The following CCDC50 variants were observed in gnomAD, a reference collection of about 807,000 sequenced individuals.
CCDC50 encodes the protein coiled-coil domain containing 50.
In CCDC50, 54 loss-of-function variants were observed where a neutral mutation model predicts 70.2. The observed-to-expected ratio is 0.77, with a 90% confidence interval of 0.62 to 0.96. The LOEUF (loss-of-function observed/expected upper bound fraction) is 0.96, where lower values mean the gene tolerates loss of function less well. Ranked by LOEUF, CCDC50 falls within the 50% of genes least tolerant of loss-of-function variation. The pLI, the probability that CCDC50 is intolerant of heterozygous loss-of-function variation, is 0.00. For synonymous variants in CCDC50, 216 were observed against 198.8 expected (o/e 1.09, Z -0.73); for missense variants, 558 against 578.7 (o/e 0.96, Z 0.37).
intron 10 of CCDC50, among the ~76,000 whole-genome samples, chr3:191,387,783 A>C (rs190050961): frequency 6.6e-5 from 10 of 152,250 alleles, no homozygotes; most frequent in Admixed American, 4.6e-4. Context: ...TGAGGCACTA[A>C]TCATGGATTG....
intron 6 of CCDC50, among the ~76,000 whole-genome samples, chr3:191,377,731 C>G (rs1320888512): frequency 6.6e-6 from 1 of 152,120 alleles, no homozygotes; most frequent in Non-Finnish European, 1.5e-5. Context: ...GTACTTTCAA[C>G]AATTTTATTC....
chr3:191,358,205 A>T, intron 3 of CCDC50, 81 bp downstream of exon 3: 14 of 1,497,548 alleles, frequency 9.3e-6, no homozygotes, highest in Non-Finnish European at 1.2e-5. Context: ...GGAGAAGGAG[A>T]CTACTTCTGT....
Position 191,329,589 on chromosome 3 carries a change from C to T in CCDC50, c.-86C>T. On this transcript the variant is annotated 5_prime_UTR_variant, in exon 1 of 12. Coordinates refer to ENST00000392455, the MANE Select transcript of CCDC50 (RefSeq NM_178335.3). Reference sequence around the variant, plus strand: ...CGGCCGGACTTTGCGCCGCGTCCGGCGCTGCTGCTGCGCTCGGGGCCCCGC... The same window carrying T: ...CGGCCGGACTTTGCGCCGCGTCCGGTGCTGCTGCTGCGCTCGGGGCCCCGC... 3 of 1,418,962 alleles carry T rather than the reference C, an allele frequency of 2.1e-6. No homozygotes were observed. Among genetic ancestry groups the T allele is most frequent in the Non-Finnish European group, 2.9e-6 (3 of 1,040,904 alleles). The allele number at this position is 1,418,962 out of a possible 1,614,324, so 87.9% of individuals were successfully genotyped here. A position where few individuals can be genotyped will look rare whatever the true frequency, so the allele number is the denominator to read the frequency against.
In CCDC50 at chr3:191,329,644, G is replaced by A. The variant is rs1454523562; in HGVS notation, c.-31G>A. ...CGCCGGCGGTGACCGGGAAGCCCGC[G>A]TTAAAGGGGCAACCGGGACCCTGGC... On this transcript the variant is annotated 5_prime_UTR_variant, in exon 1 of 12. Transcript: ENST00000392455. The A allele has an allele frequency of 1.9e-6, 3 of 1,599,934 alleles. No homozygotes were observed. Among genetic ancestry groups the A allele is most frequent in the African/African-American group, 1.3e-5 (1 of 74,410 alleles).
chr3:191,366,010 G>T (rs571441269), intron 4 of CCDC50, among the ~76,000 whole-genome samples: 21 of 152,104 alleles, frequency 1.4e-4, no homozygotes, highest in African/African-American at 5.1e-4. Context: ...ACCTGTAAAT[G>T]ACAGAAATAC....
intron 4 of CCDC50, among the ~76,000 whole-genome samples, chr3:191,365,667 G>A (rs182670092): frequency 5.4e-4 from 82 of 152,156 alleles, no homozygotes; most frequent in Non-Finnish European, 9.4e-4. Context: ...TAAATGGAAC[G>A]ATTTTTTTCT....
chr3:191,385,855 TC>T (rs1249372109), intron 10 of CCDC50, among the ~76,000 whole-genome samples: 1 of 152,032 alleles, frequency 6.6e-6, no homozygotes, highest in East Asian at 1.9e-4. Flanking sequence ...CAGCCAGTTT[TC>T]CCAGCACCAT....
rs758268000 is a variant in CCDC50, at chr3:191,352,367, A to G, written c.50-4721A>G. On this transcript the variant is annotated intron_variant, in intron 1 of 11. Coordinates refer to ENST00000392455, the MANE Select transcript of CCDC50 (RefSeq NM_178335.3). ...AAATGGATGGGGGGTATATATATGT[A>G]TGTATTTATGTATGTCAGCCAGTCC... Among the ~76,000 whole-genome samples, 21 of 141,986 alleles carry G rather than the reference A, an allele frequency of 1.5e-4. 3 individuals carry two copies. Among genetic ancestry groups the G allele is most frequent in the Middle Eastern group, 3.5e-3 (1 of 282 alleles). The allele number at this position is 141,986 out of a possible 152,430, so 93.1% of individuals were successfully genotyped here. A position where few individuals can be genotyped will look rare whatever the true frequency, so the allele number is the denominator to read the frequency against.
At chr3:191,365,656 T>C (rs1311648881) in intron 4 of CCDC50, among the ~76,000 whole-genome samples, 1 of 152,214 alleles carries the variant, frequency 6.6e-6, no homozygotes, top group African/African-American at 2.4e-5. Flanking sequence ...AGTTTAGCAG[T>C]TAAATGGAAC....
At chr3:191,383,629 A>T (rs1490019138) in intron 10 of CCDC50, among the ~76,000 whole-genome samples, 2 of 152,196 alleles carry the variant, frequency 1.3e-5, no homozygotes, top group East Asian at 3.8e-4. Context: ...GTTGCTACTC[A>T]TGCCCACACT....
rs1713837776 is a variant in CCDC50, at chr3:191,395,641, C to G, written c.*3881C>G. On this transcript the variant is annotated 3_prime_UTR_variant, in exon 12 of 12. Transcript: ENST00000392455. ...TAGAACTTGCAGCCAAAGGCTTTTT[C>G]CCTTTTGAGAAGACGGTATTTGTGT... is the stretch of plus-strand genomic sequence containing the variant. 6.6e-6 allele frequency: 1 copy of G among 152,114 alleles called. No homozygotes were observed. Among genetic ancestry groups the G allele is most frequent in the South Asian group, 2.1e-4 (1 of 4,828 alleles). The allele number at this position is 152,114 out of a possible 1,614,324, so 9.4% of individuals were successfully genotyped here.
Position 191,329,954 on chromosome 3 carries a change from G to T in CCDC50, c.49+231G>T, listed in dbSNP as rs115986233. Among the ~76,000 whole-genome samples, 22,980 of 138,290 alleles carry T rather than the reference G, an allele frequency of 0.17. 3,215 individuals carry two copies. The highest frequency in any genetic ancestry group is 0.35 in the African/African-American group (12,940 of 37,258). 90.7% of individuals were successfully genotyped at this position (138,290 alleles called of 152,430 possible). ...TCAAGGGGGTGGTTGGGGGGGGGGGGGGCTAGCAGCAGCCCCAGCAAGTAG... is the reference window on the plus strand; with the variant it reads ...TCAAGGGGGTGGTTGGGGGGGGGGGTGGCTAGCAGCAGCCCCAGCAAGTAG... On this transcript the variant is annotated intron_variant, in intron 1 of 11. Transcript: ENST00000392455.
intron 11 of CCDC50, among the ~76,000 whole-genome samples, chr3:191,391,513 C>T (rs980934453): frequency 2.6e-5 from 4 of 152,214 alleles, no homozygotes; most frequent in Non-Finnish European, 5.9e-5. Context: ...ATTTTTCTTT[C>T]TCAAACTACA....
In CCDC50 at chr3:191,391,858, C is replaced by T. The variant is rs1449815191; in HGVS notation, c.*98C>T. 3 of 1,074,806 alleles carry T rather than the reference C, an allele frequency of 2.8e-6. No individual in the cohort carries two copies. Among genetic ancestry groups the T allele is most frequent in the Non-Finnish European group, 4.2e-6 (3 of 709,600 alleles). The allele number at this position is 1,074,806 out of a possible 1,614,324, so 66.6% of individuals were successfully genotyped here. A position where few individuals can be genotyped will look rare whatever the true frequency, so the allele number is the denominator to read the frequency against. On this transcript the variant is annotated 3_prime_UTR_variant, in exon 12 of 12. Transcript: ENST00000392455. ...ACTTACTTTTTTTCTCCTGTGTTTG[C>T]ATTCCTGGGATTTATCCTCAAGTGC...
chr3:191,363,252 G>C (rs1712559628), intron 4 of CCDC50, among the ~76,000 whole-genome samples: 1 of 152,206 alleles, frequency 6.6e-6, no homozygotes, highest in Non-Finnish European at 1.5e-5. Context: ...AAGTATTAAA[G>C]AAGTAAGTGA....
intron 9 of CCDC50, 81 bp downstream of exon 9, chr3:191,381,013 C>T (rs969719377): frequency 9.5e-7 from 1 of 1,051,592 alleles, no homozygotes; most frequent in Admixed American, 2.1e-5. Flanking sequence ...TTAAGCTCTG[C>T]AAATATATTT....
intron 2 of CCDC50, among the ~76,000 whole-genome samples, chr3:191,357,481 A>G (rs1712331501): frequency 6.6e-6 from 1 of 152,350 alleles, no homozygotes; most frequent in Non-Finnish European, 1.5e-5. Flanking sequence ...TCTTGCTCCT[A>G]GGATAGGGAC....
chr3:191,358,057 G>C lies in CCDC50; in HGVS notation c.172G>C (p.Val58Leu). Residue 58 changes from valine (V) to leucine (L), a missense_variant, in exon 3 of 12, where the codon GTG (valine) becomes CTG (leucine). Transcript: ENST00000392455. Reference sequence around the variant, plus strand: ...CCGTTTGGTCCAGCATGATCTCCAGGTGGCTAAGCAGCTCCAAGAGGAAGA... The same window carrying C: ...CCGTTTGGTCCAGCATGATCTCCAGCTGGCTAAGCAGCTCCAAGAGGAAGA... ...RNRLVQHDLQVAKQLQEEDLK... is the reference protein window; with the variant it reads ...RNRLVQHDLQLAKQLQEEDLK... 1.2e-6 allele frequency: 2 copies of C among 1,614,012 alleles called. No homozygotes were observed. Among genetic ancestry groups the C allele is most frequent in the Non-Finnish European group, 1.7e-6 (2 of 1,179,932 alleles).
At chr3:191,389,853 CTTTTTTTTTT>C (rs10635756) in intron 11 of CCDC50, among the ~76,000 whole-genome samples, 20 of 84,640 alleles carry the variant, frequency 2.4e-4, no homozygotes, top group African/African-American at 6.9e-4. Flanking sequence ...ATCAAATTCA[CTTTTTTTTTT>C]TTTTTTTTTT....
Sources: gnomAD v4.1 joint callset for allele counts (sites outside exome capture counted in the v4.1 genomes callset) on GRCh38, gnomAD v4.1.1 for gene constraint, MANE v1.5 for transcripts, NCBI Gene and HGNC (gene_info 2026-07-23, HGNC 2026-07-21) for gene names.